The following JAZF1 variants were observed in gnomAD, a reference collection of about 807,000 sequenced individuals.
JAZF1 encodes the protein juxtaposed with another zinc finger protein 1.
In JAZF1, 8 loss-of-function variants were observed where a neutral mutation model predicts 26.4. That is an observed-to-expected ratio of 0.30 (90% confidence interval 0.18 to 0.55). The LOEUF (loss-of-function observed/expected upper bound fraction) is 0.55. Among genes scored for constraint, JAZF1 ranks in the 20% least tolerant of loss-of-function variants. The pLI, the probability that JAZF1 is intolerant of heterozygous loss-of-function variation, is 0.94. For missense variants in JAZF1, 199 were observed against 322.0 expected (o/e 0.62, Z 2.92); for synonymous variants, 126 against 122.3 (o/e 1.03, Z -0.20).
At chr7:28,057,677 C>A (rs1783734211) in intron 1 of JAZF1, among the ~76,000 whole-genome samples, 1 of 152,114 alleles carries the variant, frequency 6.6e-6, no homozygotes, top group Admixed American at 6.5e-5. Flanking sequence ...GTCTTTGTAG[C>A]TTTTGAGTCA....
At chr7:28,158,654 A>T (rs1297800817) in intron 1 of JAZF1, among the ~76,000 whole-genome samples, 2 of 152,176 alleles carry the variant, frequency 1.3e-5, no homozygotes, top group Non-Finnish European at 2.9e-5. Flanking sequence ...GATATAAAGG[A>T]GCAACAATAC....
chr7:27,833,908 A>C (rs1160596811), intron 4 of JAZF1, among the ~76,000 whole-genome samples: 1 of 152,202 alleles, frequency 6.6e-6, no homozygotes, highest in Non-Finnish European at 1.5e-5. Flanking sequence ...GGAAGATCTA[A>C]GAAGGGACGG....
chr7:27,994,928 T>C (rs1028330058), intron 1 of JAZF1, among the ~76,000 whole-genome samples: 2 of 151,990 alleles, frequency 1.3e-5, no homozygotes, highest in Non-Finnish European at 2.9e-5. Flanking sequence ...CTCCACAGGA[T>C]AGGAGGAGAG....
intron 1 of JAZF1, among the ~76,000 whole-genome samples, chr7:28,073,899 T>G (rs1024164107): frequency 4.0e-5 from 6 of 151,088 alleles, no homozygotes; most frequent in African/African-American, 1.2e-4. Context: ...TAGAAAGAAA[T>G]TGCATAAGAA....
intron 3 of JAZF1, among the ~76,000 whole-genome samples, chr7:27,886,885 T>C (rs1010708203): frequency 6.6e-6 from 1 of 152,122 alleles, no homozygotes; most frequent in Non-Finnish European, 1.5e-5. Flanking sequence ...ATAAAGAAAA[T>C]GTGGTACGTA....
At chr7:27,925,990 G>T (rs1784596843) in intron 2 of JAZF1, among the ~76,000 whole-genome samples, 2 of 152,158 alleles carry the variant, frequency 1.3e-5, no homozygotes, top group African/African-American at 2.4e-5. Context: ...CTGAATACTT[G>T]GAAGGAAGTG....
chr7:27,871,813 T>C (rs1783588334), intron 3 of JAZF1, among the ~76,000 whole-genome samples: 1 of 152,186 alleles, frequency 6.6e-6, no homozygotes, highest in Non-Finnish European at 1.5e-5. Context: ...ATGGTTCAAG[T>C]GGGCAGAACT....
chr7:27,974,429 G>C (rs1429145088), intron 2 of JAZF1, among the ~76,000 whole-genome samples: 1 of 152,214 alleles, frequency 6.6e-6, no homozygotes, highest in East Asian at 1.9e-4. Flanking sequence ...CTGCTGACGA[G>C]GGGATGGGGA....
At chr7:28,061,957 G>A (rs1783803269) in intron 1 of JAZF1, among the ~76,000 whole-genome samples, 1 of 152,164 alleles carries the variant, frequency 6.6e-6, no homozygotes, top group Non-Finnish European at 1.5e-5. Flanking sequence ...AATGTGATTG[G>A]ACACAAAGGA....
At chr7:27,886,516 C>T (rs565066546) in intron 3 of JAZF1, among the ~76,000 whole-genome samples, 12 of 152,356 alleles carry the variant, frequency 7.9e-5, no homozygotes, top group South Asian at 4.1e-4. Flanking sequence ...CTTACATTTG[C>T]CTTGCAATTA....
chr7:27,853,014 G>C (rs1783179266), intron 3 of JAZF1, among the ~76,000 whole-genome samples: 1 of 152,122 alleles, frequency 6.6e-6, no homozygotes, highest in African/African-American at 2.4e-5. Flanking sequence ...GGGCTATGAG[G>C]CTTGCCATGA....
intron 1 of JAZF1, among the ~76,000 whole-genome samples, chr7:28,139,514 T>C (rs956868836): frequency 6.6e-6 from 1 of 152,204 alleles, no homozygotes; most frequent in Admixed American, 6.5e-5. Flanking sequence ...GAACTTCCTA[T>C]GAAGACTGGA....
chr7:28,086,930 C>G (rs1045235156), intron 1 of JAZF1, among the ~76,000 whole-genome samples: 4 of 151,956 alleles, frequency 2.6e-5, no homozygotes, highest in African/African-American at 9.7e-5. Context: ...GGTGATGTAC[C>G]CTGGGAAATT....
At chr7:28,033,000 G>C (rs1783218456) in intron 1 of JAZF1, among the ~76,000 whole-genome samples, 1 of 152,056 alleles carries the variant, frequency 6.6e-6, no homozygotes, top group Admixed American at 6.5e-5. Context: ...CTCAGTCCTT[G>C]ACCCCTTCAT....
intron 1 of JAZF1, among the ~76,000 whole-genome samples, chr7:28,119,510 G>A (rs538957041): frequency 3.3e-5 from 5 of 152,068 alleles, no homozygotes; most frequent in Admixed American, 2.0e-4. Context: ...CATCCTGCCC[G>A]TCCTTTTTGT....
At chr7:27,868,473 T>A (rs1783520587) in intron 3 of JAZF1, among the ~76,000 whole-genome samples, 3 of 152,152 alleles carry the variant, frequency 2.0e-5, no homozygotes, top group African/African-American at 7.2e-5. Flanking sequence ...TTTCTCACCA[T>A]CCACTCTGAA....
In JAZF1 at chr7:28,016,310, A is replaced by G. The variant is rs60912742; in HGVS notation, c.116-24329T>C. Among the ~76,000 whole-genome samples the G allele has an allele frequency of 8.8e-3, 1,347 of 152,338 alleles. 19 individuals are homozygous for G. The highest frequency in any genetic ancestry group is 0.029 in the African/African-American group (1,192 of 41,590). On this transcript the variant is annotated intron_variant, in intron 1 of 4. Transcript: ENST00000283928. ...TCCAACCTCTGAAGGAGTTAAAAAC[A>G]GGTGGTGAAACCGACAGAATGGGGA... is the stretch of plus-strand genomic sequence containing the variant.
chr7:27,862,378 C>G (rs1261404153), intron 3 of JAZF1, among the ~76,000 whole-genome samples: 2 of 151,962 alleles, frequency 1.3e-5, no homozygotes. Flanking sequence ...CCCAGAGGTC[C>G]CCAGTGTCTA....
chr7:28,059,625 CCTT>C (rs1024614100), intron 1 of JAZF1, among the ~76,000 whole-genome samples: 1 of 152,120 alleles, frequency 6.6e-6, no homozygotes, highest in African/African-American at 2.4e-5. Flanking sequence ...TGATCTCTTA[CCTT>C]CTTCTCAAAG....
Sources: allele counts gnomAD v4.1 joint callset (sites outside exome capture counted in the v4.1 genomes callset), GRCh38; gene constraint gnomAD v4.1.1; transcripts MANE v1.5; gene names NCBI Gene and HGNC (gene_info 2026-07-23, HGNC 2026-07-21).